Variants in NR5A1 observed in about 807,000 individuals in gnomAD.
NR5A1 encodes nuclear receptor subfamily 5 group A member 1.
Under a neutral mutation model 42.7 loss-of-function variants are expected in NR5A1, and 6 were observed. That is an observed-to-expected ratio of 0.14 (90% CI 0.08 to 0.28). NR5A1 has a LOEUF of 0.28. Ranked by LOEUF, NR5A1 falls within the 10% of genes least tolerant of loss-of-function variation. The pLI is 1.00. For missense variants in NR5A1, 442 were observed against 626.4 expected, an observed-to-expected ratio of 0.71 and a Z score of 3.14; for synonymous variants, 274 against 277.5, an observed-to-expected ratio of 0.99 and a Z score of 0.12.
chr9:124,491,713 G>A (rs1001777569), intron 5 of NR5A1, among the ~76,000 whole-genome samples: 2 of 151,384 alleles, frequency 1.3e-5, no homozygotes, highest in African/African-American at 2.4e-5. Flanking sequence ...TCATGGGGTC[G>A]CCCACTCTGT....
At chr9:124,502,136 T>G (rs1424748275) in intron 3 of NR5A1, among the ~76,000 whole-genome samples, 1 of 152,000 alleles carries the variant, frequency 6.6e-6, no homozygotes, top group African/African-American at 2.4e-5. Flanking sequence ...GTGTGGGGGC[T>G]GGGCGGTGGT....
Position 124,501,491 on chromosome 9 carries a change from G to GC in NR5A1, c.245-777dup, listed in dbSNP as rs1832470717. 1.3e-5 allele frequency among the ~76,000 whole-genome samples: 2 copies of GC among 152,204 alleles called. No homozygotes were observed. The highest frequency in any genetic ancestry group is 1.5e-5 in the Non-Finnish European group (1 of 68,034). On this transcript the variant is annotated intron_variant, in intron 3 of 6. Coordinates refer to ENST00000373588, the MANE Select transcript of NR5A1 (RefSeq NM_004959.5). The surrounding 1 kb of genome is among the most constrained non-coding windows in gnomAD (Gnocchi z 4.1). ...AGGTACATCTCTGCAGCTGGAGTGT[G>GC]CCCCCCGCCCCTGCTCAGACAGGGC...
intron 5 of NR5A1, among the ~76,000 whole-genome samples, chr9:124,491,677 T>TCA (rs141470926): frequency 6.8e-4 from 102 of 149,896 alleles, no homozygotes; most frequent in Middle Eastern, 3.5e-3. Context: ...CAGCTCAGAG[T>TCA]CACACACACA....
intron 4 of NR5A1, among the ~76,000 whole-genome samples, chr9:124,495,433 G>A (rs1832377169): frequency 6.6e-6 from 1 of 152,238 alleles, no homozygotes; most frequent in African/African-American, 2.4e-5. Flanking sequence ...ACAGAGGCCT[G>A]CCGGAGGCAA....
At position 124,493,158 on chromosome 9, in the gene NR5A1, A is replaced by G. The variant is rs1832342168; in HGVS notation, c.871-9T>C. ...GTCATCTGGTCGGCCACCTGGAAGGAAGAGGCACGCGGGGGGCCGGGCTCC... is the reference window on the plus strand; with the variant it reads ...GTCATCTGGTCGGCCACCTGGAAGGGAGAGGCACGCGGGGGGCCGGGCTCC... On this transcript the variant is annotated splice_polypyrimidine_tract_variant and intron_variant, in intron 4 of 6. Coordinates refer to ENST00000373588, the MANE Select transcript of NR5A1 (RefSeq NM_004959.5). The G allele has an allele frequency of 1.2e-6, 2 of 1,609,820 alleles. No individual in the cohort carries two copies. The highest frequency in any genetic ancestry group is 8.5e-7 in the Non-Finnish European group (1 of 1,177,996).
At chr9:124,491,036 C>CCCCCCCCCG in intron 6 of NR5A1, 45 bp downstream of exon 6, 10 of 1,401,580 alleles carry the variant, frequency 7.1e-6, no homozygotes, top group Non-Finnish European at 8.7e-6. Flanking sequence ...CCCACCCACC[C>CCCCCCCCCG]GCCTCTGGCT....
In NR5A1 at chr9:124,493,023, T is replaced by A. The variant is rs770362822; in HGVS notation, c.990+7A>T. On this transcript the variant is annotated splice_region_variant and intron_variant, in intron 5 of 6. Coordinates refer to ENST00000373588, the MANE Select transcript of NR5A1 (RefSeq NM_004959.5). ...GGGCCCAGGGGCGGGGCCGAGGGAC[T>A]GGTCACCTCCTGCCCGGTGACCAGC... 4 of 1,588,880 alleles carry A rather than the reference T, an allele frequency of 2.5e-6. No individual in the cohort carries two copies. The East Asian group carries it at 9.1e-5, about 36-fold the overall frequency.
chr9:124,505,820 G>A (rs1374574487), intron 1 of NR5A1, among the ~76,000 whole-genome samples: 1 of 152,200 alleles, frequency 6.6e-6, no homozygotes, highest in Non-Finnish European at 1.5e-5. Flanking sequence ...TGGGGACAAA[G>A]GGGTTCCCGG....
At chr9:124,504,174 G>A (rs531665385) in intron 1 of NR5A1, among the ~76,000 whole-genome samples, 1 of 152,292 alleles carries the variant, frequency 6.6e-6, no homozygotes, top group Non-Finnish European at 1.5e-5. Context: ...CACAACGATA[G>A]ACGACAGACA....
intron 6 of NR5A1, among the ~76,000 whole-genome samples, chr9:124,483,681 C>T (rs1000081942): frequency 1.3e-5 from 2 of 152,196 alleles, no homozygotes; most frequent in African/African-American, 2.4e-5. Flanking sequence ...TCTCCATGAC[C>T]GTTGCCATCC....
Position 124,498,507 on chromosome 9 carries a change from C to T in NR5A1, c.870+1583G>A, listed in dbSNP as rs2131284966. On this transcript the variant is annotated intron_variant, in intron 4 of 6. Transcript: ENST00000373588. This position sits in a 1 kb window ranked among gnomAD's most constrained non-coding sequence, Gnocchi z 4.6. ...ACTAGGAAGGCAGCCAGAGGAAGTG[C>T]CCTGCCCCTCAATCCAGGGTTCTGG... 6.6e-6 allele frequency among the ~76,000 whole-genome samples: 1 copy of T among 152,330 alleles called. No individual in the cohort carries two copies. Among genetic ancestry groups the T allele is most frequent in the Non-Finnish European group, 1.5e-5 (1 of 68,038 alleles).
intron 6 of NR5A1, among the ~76,000 whole-genome samples, chr9:124,486,601 G>A (rs1832213504): frequency 1.3e-5 from 2 of 152,090 alleles, no homozygotes; most frequent in South Asian, 4.1e-4. Context: ...CCCACCCCTG[G>A]GGTTCTAGGA....
chr9:124,491,836 G>A (rs1832314021), intron 5 of NR5A1, among the ~76,000 whole-genome samples: 1 of 152,000 alleles, frequency 6.6e-6, no homozygotes, highest in Admixed American at 6.5e-5. Context: ...TGGGAAGACA[G>A]TGACACCCAC....
Position 124,500,270 on chromosome 9 carries a change from C to T in NR5A1, c.690G>A (p.Leu230=), listed in dbSNP as rs111518201. 6.3e-7 allele frequency: 1 copy of T among 1,584,916 alleles called. No homozygotes were observed. Among genetic ancestry groups the T allele is most frequent in the South Asian group, 1.1e-5 (1 of 87,774 alleles). ...GPNVPELILQ[L]LQLEPDEDQV... ...GGTCCTCATCCGGCTCCAGCTGCAG[C>T]AGCTGCAGGATGAGCTCAGGCACGT... Residue 230 remains leucine (L), a synonymous_variant, in exon 4 of 7, where the codon CTG becomes CTA. Transcript: ENST00000373588. The surrounding 1 kb of genome is among the most constrained non-coding windows in gnomAD (Gnocchi z 6.9).
intron 1 of NR5A1, among the ~76,000 whole-genome samples, chr9:124,505,067 C>G (rs888857587): frequency 1.3e-5 from 2 of 152,032 alleles, no homozygotes; most frequent in Admixed American, 6.5e-5. Flanking sequence ...GTGTCCTCCC[C>G]CCAAGCCCGG....
chr9:124,483,585 G>A lies in NR5A1; in HGVS notation c.1139-580C>T, dbSNP rs565310978. Among the ~76,000 whole-genome samples, 97 of 152,274 alleles carry A rather than the reference G, an allele frequency of 6.4e-4. 1 individual carries two copies. In the South Asian group the frequency reaches 0.019, roughly 29 times the overall value. On this transcript the variant is annotated intron_variant, in intron 6 of 6. Coordinates refer to ENST00000373588, the MANE Select transcript of NR5A1 (RefSeq NM_004959.5). ...CACAATGGGAGCTGCTCTCACCGCC[G>A]TCATGGCCAACCATTGCTGCCATAA...
At chr9:124,487,755 C>T (rs1006147209) in intron 6 of NR5A1, among the ~76,000 whole-genome samples, 2 of 152,172 alleles carry the variant, frequency 1.3e-5, no homozygotes, top group Admixed American at 6.5e-5. Context: ...GGTCCCTCTC[C>T]GGGTCCCAGT....
chr9:124,502,991 G>A (rs1470621464), intron 3 of NR5A1, 88 bp downstream of exon 3: 2 of 1,491,680 alleles, frequency 1.3e-6, no homozygotes, highest in Non-Finnish European at 1.8e-6. Flanking sequence ...AAGGCCAATG[G>A]TACTATCCCC....
Position 124,482,697 on chromosome 9 carries a change from G to GCCCCCC in NR5A1, c.*60_*61insGGGGGG. On this transcript the variant is annotated 3_prime_UTR_variant, in exon 7 of 7. Transcript: ENST00000373588. ...ATGCGGAGCCAGCGGTGTGGCTGCG[G>GCCCCCC]CCCCGCCCAGGCCCCGCCCCCAGTC... The GCCCCCC allele has an allele frequency of 4.5e-6, 4 of 886,698 alleles. No homozygotes were observed. The highest frequency in any genetic ancestry group is 3.5e-4 in the Middle Eastern group (1 of 2,856). The allele number at this position is 886,698 out of a possible 1,614,324, so 54.9% of individuals were successfully genotyped here. A position where few individuals can be genotyped will look rare whatever the true frequency, so the allele number is the denominator to read the frequency against.
Sources: allele counts gnomAD v4.1 joint callset (sites outside exome capture counted in the v4.1 genomes callset), GRCh38; gene constraint gnomAD v4.1.1; non-coding constraint Gnocchi (gnomAD v3.1); transcripts MANE v1.5; gene names NCBI Gene and HGNC (gene_info 2026-07-23, HGNC 2026-07-21).